The following BCL11B variants were observed in gnomAD, a reference collection of about 807,000 sequenced individuals.
BCL11B encodes the protein BCL11 transcription factor B.
In BCL11B, 8 loss-of-function variants were observed where a neutral mutation model predicts 49.9. The ratio of observed to expected loss-of-function variants is 0.16; its 90% CI spans 0.09 to 0.29. The LOEUF (loss-of-function observed/expected upper bound fraction) is 0.29. BCL11B is among the 10% of genes least tolerant of loss of function. The pLI is 1.00. For missense variants in BCL11B, 1,006 were observed against 1,351.0 expected, an observed-to-expected ratio of 0.74 and a Z score of 4.00; for synonymous variants, 739 against 637.4, an observed-to-expected ratio of 1.16 and a Z score of -2.40.
intron 3 of BCL11B, among the ~76,000 whole-genome samples, chr14:99,227,348 C>A (rs1229143263): frequency 2.0e-5 from 3 of 152,172 alleles, no homozygotes; most frequent in Non-Finnish European, 2.9e-5. Context: ...CAGAACGACC[C>A]TTCAGAGCCT....
intron 2 of BCL11B, among the ~76,000 whole-genome samples, chr14:99,234,101 A>C (rs148369177): frequency 6.6e-6 from 1 of 152,154 alleles, no homozygotes; most frequent in Non-Finnish European, 1.5e-5. Context: ...CGAAATGTTC[A>C]TAAGAGGCAA....
At chr14:99,199,071 C>T (rs948193332) in intron 3 of BCL11B, among the ~76,000 whole-genome samples, 4 of 152,152 alleles carry the variant, frequency 2.6e-5, no homozygotes, top group East Asian at 1.9e-4. Flanking sequence ...GATACTTTTG[C>T]GATACTTGTC....
intron 3 of BCL11B, among the ~76,000 whole-genome samples, chr14:99,207,777 G>A (rs1036662045): frequency 3.3e-5 from 5 of 152,176 alleles, no homozygotes; most frequent in African/African-American, 1.2e-4. Context: ...CAGGCCAAAG[G>A]GCAGAGGCAC....
rs1201324851 is a variant in BCL11B, at chr14:99,213,784, T to C, written c.640+17561A>G. Among the ~76,000 whole-genome samples, 2 of 152,102 alleles carry C rather than the reference T, an allele frequency of 1.3e-5. No homozygotes were observed. Among genetic ancestry groups the C allele is most frequent in the African/African-American group, 4.8e-5 (2 of 41,420 alleles). Reference sequence around the variant, plus strand: ...TCTCTGGGGCACTGCTTGGAGAGCATCTGGCAACAAGGCACAGGGGCCCCT... The same window carrying C: ...TCTCTGGGGCACTGCTTGGAGAGCACCTGGCAACAAGGCACAGGGGCCCCT... On this transcript the variant is annotated intron_variant, in intron 3 of 3. Transcript: ENST00000357195. The surrounding 1 kb of genome is among the most constrained non-coding windows in gnomAD (Gnocchi z 5.1).
chr14:99,172,907 CT>C lies in BCL11B; in HGVS notation c.*1243del, dbSNP rs1035509244. The C allele has an allele frequency of 4.4e-6, 1 of 228,816 alleles. No homozygotes were observed. Among genetic ancestry groups the C allele is most frequent in the East Asian group, 6.2e-5 (1 of 16,086 alleles). 14.2% of individuals were successfully genotyped at this position (228,816 alleles called of 1,614,324 possible). A position where few individuals can be genotyped will look rare whatever the true frequency, so the allele number is the denominator to read the frequency against. ...ACCTTCTGATGGAACTCATCCCCTG[CT>C]TTTTCAGTAAAAGAGAATAGAAATT... is the stretch of plus-strand genomic sequence containing the variant. On this transcript the variant is annotated 3_prime_UTR_variant, in exon 4 of 4. Coordinates refer to ENST00000357195, the MANE Select transcript of BCL11B (RefSeq NM_138576.4).
chr14:99,233,407 G>A (rs1888393291), intron 2 of BCL11B, among the ~76,000 whole-genome samples: 2 of 152,210 alleles, frequency 1.3e-5, no homozygotes, highest in South Asian at 2.1e-4. Flanking sequence ...CTGGGTAAGT[G>A]ACCAGGGGTC....
At chr14:99,203,884 T>TCTTGGGC in intron 3 of BCL11B, among the ~76,000 whole-genome samples, 1 of 150,984 alleles carries the variant, frequency 6.6e-6, no homozygotes, top group Non-Finnish European at 1.5e-5. Context: ...GCCTAGTCAA[T>TCTTGGGC]CTTATCGCAA....
intron 3 of BCL11B, among the ~76,000 whole-genome samples, chr14:99,179,200 A>T (rs1886625760): frequency 1.3e-5 from 2 of 152,274 alleles, no homozygotes; most frequent in South Asian, 4.2e-4. Flanking sequence ...CTGGCTGGGC[A>T]CGGTGGCTCA....
At chr14:99,230,615 C>T (rs1888300348) in intron 3 of BCL11B, among the ~76,000 whole-genome samples, 1 of 152,326 alleles carries the variant, frequency 6.6e-6, no homozygotes, top group East Asian at 1.9e-4. Context: ...TGGGGAGAAG[C>T]AGGGCAGGTA....
intron 3 of BCL11B, among the ~76,000 whole-genome samples, chr14:99,182,618 C>T (rs988057711): frequency 6.6e-6 from 1 of 152,100 alleles, no homozygotes; most frequent in African/African-American, 2.4e-5. Context: ...AGCAAGTGGC[C>T]CACTGAGGGG....
intron 3 of BCL11B, among the ~76,000 whole-genome samples, chr14:99,219,593 C>T (rs1887951011): frequency 6.6e-6 from 1 of 152,042 alleles, no homozygotes; most frequent in South Asian, 2.1e-4. Flanking sequence ...TCAGAGAGGG[C>T]CAAAGCGTGC....
Position 99,257,835 on chromosome 14 carries a change from C to T in BCL11B, c.63G>A (p.Glu21=), listed in dbSNP as rs778400515. The change falls in exon 2 of 4, where the codon GAG becomes GAA. Residue 21 remains glutamate (E), a synonymous_variant. Transcript: ENST00000357195. The surrounding 1 kb of genome is among the most constrained non-coding windows in gnomAD (Gnocchi z 6.2). ...GGATGGCGGCCTCCACATGGTCAGCCTCTGCTGGAGACAGAAAGAAGAAAG... is the reference window on the plus strand; with the variant it reads ...GGATGGCGGCCTCCACATGGTCAGCTTCTGCTGGAGACAGAAAGAAGAAAG... The part of the protein sequence containing the change: ...HLSQRELITP[E]ADHVEAAILE... 1 of 1,528,962 alleles carries T rather than the reference C, an allele frequency of 6.5e-7. No homozygotes were observed. Among genetic ancestry groups the T allele is most frequent in the Non-Finnish European group, 8.8e-7 (1 of 1,135,216 alleles). 94.7% of individuals were successfully genotyped at this position (1,528,962 alleles called of 1,614,324 possible). A position where few individuals can be genotyped will look rare whatever the true frequency, so the allele number is the denominator to read the frequency against.
chr14:99,197,593 G>A (rs1234989314), intron 3 of BCL11B, among the ~76,000 whole-genome samples: 1 of 152,166 alleles, frequency 6.6e-6, no homozygotes, highest in African/African-American at 2.4e-5. Flanking sequence ...TTGCTGTGGG[G>A]AGGAGGATTC....
rs1347857502 is a variant in BCL11B at position 99,192,892 on chromosome 14, A to G, written c.641-16697T>C. Among the ~76,000 whole-genome samples, 1 of 152,114 alleles carries G rather than the reference A, an allele frequency of 6.6e-6. No individual in the cohort carries two copies. The highest frequency in any genetic ancestry group is 1.9e-4 in the East Asian group (1 of 5,192). On this transcript the variant is annotated intron_variant, in intron 3 of 3. Transcript: ENST00000357195. The surrounding 1 kb of genome is among the most constrained non-coding windows in gnomAD (Gnocchi z 4.0). ...GAGTGAATGAATGAATGAATGAATG[A>G]ATGAGTGAATGAATGGATAAAAGAG...
At chr14:99,230,605 T>C (rs1275848582) in intron 3 of BCL11B, among the ~76,000 whole-genome samples, 1 of 152,206 alleles carries the variant, frequency 6.6e-6, no homozygotes, top group Non-Finnish European at 1.5e-5. Context: ...GGGTTCCACT[T>C]GGGGAGAAGC....
intron 1 of BCL11B, among the ~76,000 whole-genome samples, chr14:99,258,080 G>T (rs1889226568): frequency 6.6e-6 from 1 of 152,202 alleles, no homozygotes; most frequent in African/African-American, 2.4e-5. Context: ...CACGTAAGTA[G>T]TGCCGATCTT....
At chr14:99,207,520 A>G (rs2614470) in intron 3 of BCL11B, among the ~76,000 whole-genome samples, 27,182 of 152,104 alleles carry the variant, frequency 0.18, 3,482 homozygotes, top group African/African-American at 0.37. Flanking sequence ...CTCCAAAAGC[A>G]TCCCCTATTC....
At chr14:99,199,711 TGC>T (rs1566806831) in intron 3 of BCL11B, among the ~76,000 whole-genome samples, 2 of 129,562 alleles carry the variant, frequency 1.5e-5, no homozygotes, top group East Asian at 2.4e-4. Context: ...TGCACGTGTG[TGC>T]GTGTGTGCAT....
chr14:99,225,001 T>C (rs1043762452), intron 3 of BCL11B, among the ~76,000 whole-genome samples: 1 of 152,166 alleles, frequency 6.6e-6, no homozygotes, highest in Admixed American at 6.5e-5. Flanking sequence ...GGGCTCCCAC[T>C]GCAGATAGCA....
Sources: allele counts gnomAD v4.1 joint callset (sites outside exome capture counted in the v4.1 genomes callset), GRCh38; gene constraint gnomAD v4.1.1; non-coding constraint Gnocchi (gnomAD v3.1); transcripts MANE v1.5; gene names NCBI Gene and HGNC (gene_info 2026-07-23, HGNC 2026-07-21).